Variants in CPB1 observed in about 807,000 individuals in gnomAD.
CPB1 encodes carboxypeptidase B1.
A neutral mutation model predicts 51.4 loss-of-function variants in CPB1; 53 were observed. The observed-to-expected ratio is 1.03, with a 90% CI of 0.83 to 1.30. The LOEUF is 1.30. CPB1 is among the 50% of genes most tolerant of loss of function. The pLI is 0.00. For missense variants in CPB1, 494 were observed against 516.2 expected (o/e 0.96, Z 0.42); for synonymous variants, 189 against 186.9 (o/e 1.01, Z -0.09).
At chr3:148,845,401 A>G (rs551291760) in intron 8 of CPB1, 23 bp from the exon 9 acceptor site, 3 of 1,609,388 alleles carry the variant, frequency 1.9e-6, no homozygotes, top group South Asian at 1.1e-5. Context: ...GATCCTTGCC[A>G]TTAACATCAT....
chr3:148,844,675 A>G lies in CPB1; in HGVS notation c.688-2A>G. The G allele has an allele frequency of 6.2e-7, 1 of 1,613,916 alleles. No homozygotes were observed. The highest frequency in any genetic ancestry group is 8.5e-7 in the Non-Finnish European group (1 of 1,179,824). On this transcript the variant is annotated splice_acceptor_variant, in intron 7 of 10. Coordinates refer to ENST00000282957, the MANE Select transcript of CPB1 (RefSeq NM_001871.3). LOFTEE classifies it high-confidence loss of function. ...TGTCCTAACTATGTAGTCCACTTTC[A>G]GAGCCGATTTTGGAGAAAGACTCGC...
In CPB1 at chr3:148,845,299, G is replaced by A. The variant is rs1451180471; in HGVS notation, c.779-125G>A. 5.8e-6 allele frequency: 4 copies of A among 686,854 alleles called. No homozygotes were observed. The African/African-American group carries it at 7.3e-5, about 12-fold the overall frequency. The allele number at this position is 686,854 out of a possible 1,614,324, so 42.5% of individuals were successfully genotyped here. The stretch of plus-strand genomic sequence containing the variant: ...TTACTATATAATATATACATAATAG[G>A]GACAACTTTAAGGACTCCTTGATAA... On this transcript the variant is annotated intron_variant, in intron 8 of 10. Transcript: ENST00000282957.
chr3:148,857,987 G>T (rs1056554323), intron 10 of CPB1, among the ~76,000 whole-genome samples: 1 of 152,084 alleles, frequency 6.6e-6, no homozygotes, highest in African/African-American at 2.4e-5. Flanking sequence ...CTTACTATGT[G>T]CCAGGGCCTT....
At chr3:148,846,831 A>ATATATATATG (rs1713265669) in intron 9 of CPB1, among the ~76,000 whole-genome samples, 2 of 116,852 alleles carry the variant, frequency 1.7e-5, no homozygotes, top group African/African-American at 3.3e-5. Context: ...ATATATATAT[A>ATATATATATG]TATATATATA....
chr3:148,835,701 A>G (rs1165784849), intron 3 of CPB1, among the ~76,000 whole-genome samples: 1 of 152,236 alleles, frequency 6.6e-6, no homozygotes. Flanking sequence ...CCGGTCCTGA[A>G]CATTCAAATG....
At chr3:148,851,707 G>C (rs185440733) in intron 9 of CPB1, 1 of 152,382 alleles carries the variant, frequency 6.6e-6, no homozygotes. Context: ...AGAGAAAAGA[G>C]CCAACAAATG....
chr3:148,849,544 C>G (rs1713361585), intron 9 of CPB1, among the ~76,000 whole-genome samples: 1 of 152,096 alleles, frequency 6.6e-6, no homozygotes, highest in Non-Finnish European at 1.5e-5. Flanking sequence ...TTTGGTGCAC[C>G]TCCCCTGCAA....
intron 2 of CPB1, among the ~76,000 whole-genome samples, chr3:148,831,206 C>T (rs1712724751): frequency 6.6e-6 from 1 of 152,132 alleles, no homozygotes; most frequent in Non-Finnish European, 1.5e-5. Flanking sequence ...AAAACCTATT[C>T]ACTTTTCTCT....
intron 2 of CPB1, among the ~76,000 whole-genome samples, chr3:148,829,342 C>A (rs550613700): frequency 6.6e-6 from 1 of 152,260 alleles, no homozygotes; most frequent in South Asian, 2.1e-4. Flanking sequence ...ACTACAGGGC[C>A]ATTGCTTGCC....
intron 9 of CPB1, among the ~76,000 whole-genome samples, chr3:148,847,013 A>T (rs1713277715): frequency 6.7e-6 from 1 of 149,854 alleles, no homozygotes; most frequent in Non-Finnish European, 1.5e-5. Flanking sequence ...TGTATAACTC[A>T]TGTAAATATA....
intron 2 of CPB1, among the ~76,000 whole-genome samples, chr3:148,830,850 T>C (rs1712713708): frequency 6.6e-6 from 1 of 152,184 alleles, no homozygotes; most frequent in Non-Finnish European, 1.5e-5. Context: ...ATGCTTTAGC[T>C]CCAAGCAGTG....
intron 2 of CPB1, among the ~76,000 whole-genome samples, chr3:148,831,347 A>G (rs948406348): frequency 3.3e-5 from 5 of 152,166 alleles, no homozygotes; most frequent in Non-Finnish European, 7.4e-5. Context: ...GCTGTCTGGA[A>G]TTGGGCCTTG....
chr3:148,840,539 T>C, intron 3 of CPB1, 147 bp from the exon 4 acceptor site: 2 of 678,066 alleles, frequency 2.9e-6, no homozygotes, highest in East Asian at 2.7e-5. Context: ...CAGCTGAAGG[T>C]CATCAGGAAG....
Position 148,828,009 on chromosome 3 carries a change from G to A in CPB1, c.79G>A (p.Val27Met). The A allele has an allele frequency of 6.2e-7, 1 of 1,614,048 alleles. No homozygotes were observed. Among genetic ancestry groups the A allele is most frequent in the Non-Finnish European group, 8.5e-7 (1 of 1,179,954 alleles). Residue 27 changes from valine (V) to methionine (M), a missense_variant, in exon 2 of 11, where the codon GTG (valine) becomes ATG (methionine). Val to Met is a conservative substitution (Grantham distance 21). Transcript: ENST00000282957. Reference protein sequence around the residue: ...HGGEHFEGEKVFRVNVEDENH... With the variant: ...HGGEHFEGEKMFRVNVEDENH... The stretch of plus-strand genomic sequence containing the variant: ...TATTATCTCATTATTCAGCGAGAAG[G>A]TGTTCCGTGTTAACGTTGAAGATGA...
intron 3 of CPB1, 99 bp downstream of exon 3, chr3:148,834,721 A>G (rs1320399359): frequency 1.7e-6 from 2 of 1,180,518 alleles, no homozygotes; most frequent in African/African-American, 1.5e-5. Flanking sequence ...ACCAAGACCA[A>G]TGCCTTCCCC....
At chr3:148,838,684 C>A (rs1712983679) in intron 3 of CPB1, among the ~76,000 whole-genome samples, 1 of 152,052 alleles carries the variant, frequency 6.6e-6, no homozygotes, top group African/African-American at 2.4e-5. Context: ...ATGTAAATGA[C>A]TAAGGCTTAT....
intron 9 of CPB1, among the ~76,000 whole-genome samples, chr3:148,848,507 AATT>A (rs1559960609): frequency 6.6e-6 from 1 of 152,116 alleles, no homozygotes; most frequent in African/African-American, 2.4e-5. Context: ...ATACCTATAA[AATT>A]ATTATTTTAT....
At chr3:148,851,107 G>A (rs1009141067) in intron 9 of CPB1, 2 of 152,236 alleles carry the variant, frequency 1.3e-5, no homozygotes, top group African/African-American at 2.4e-5. Flanking sequence ...GCCGAGGCAG[G>A]AGGATCACTA....
intron 2 of CPB1, among the ~76,000 whole-genome samples, chr3:148,832,390 A>C (rs902078270): frequency 1.3e-5 from 2 of 152,134 alleles, no homozygotes; most frequent in African/African-American, 4.8e-5. Context: ...AACATCATGC[A>C]AGCATTTAAT....
Sources: allele counts gnomAD v4.1 joint callset (sites outside exome capture counted in the v4.1 genomes callset), GRCh38; gene constraint gnomAD v4.1.1; transcripts MANE v1.5; gene names NCBI Gene and HGNC (gene_info 2026-07-23, HGNC 2026-07-21).